The following SIPA1L1 variants were observed in gnomAD, a reference collection of about 807,000 sequenced individuals.
The protein encoded by SIPA1L1 is signal induced proliferation associated 1 like 1, also known as signal-induced proliferation-associated 1-like protein 1.
SIPA1L1 carries 26 observed loss-of-function variants against 162.7 expected under a neutral mutation model. The observed-to-expected ratio is 0.16, with a 90% CI of 0.12 to 0.22. The LOEUF is 0.22. Ranked by LOEUF, SIPA1L1 falls within the 10% of genes least tolerant of loss-of-function variation. The probability of loss-of-function intolerance (pLI) is 1.00; values close to 1 mark genes in which losing one functional copy is unlikely to be tolerated. For synonymous variants in SIPA1L1, 829 were observed against 837.4 expected (o/e 0.99, Z 0.17); for missense variants, 1,874 against 2,241.0 (o/e 0.84, Z 3.31).
chr14:71,659,426 A>G (rs2149221413), intron 9 of SIPA1L1, among the ~76,000 whole-genome samples: 1 of 152,354 alleles, frequency 6.6e-6, no homozygotes, highest in South Asian at 2.1e-4. Context: ...TGTAATAAAA[A>G]ATAGAGAGCA....
intron 2 of SIPA1L1, among the ~76,000 whole-genome samples, chr14:71,433,550 C>CA (rs2044159587): frequency 6.6e-6 from 1 of 152,156 alleles, no homozygotes; most frequent in Non-Finnish European, 1.5e-5. Flanking sequence ...CTCTTGAGCT[C>CA]AAGGGATCCT....
At chr14:71,502,715 A>G (rs1455637459) in intron 2 of SIPA1L1, among the ~76,000 whole-genome samples, 5 of 152,136 alleles carry the variant, frequency 3.3e-5, no homozygotes, top group Non-Finnish European at 7.4e-5. Context: ...TTTCACCTAC[A>G]TTAGTGCAAA....
chr14:71,342,095 C>T (rs1306243403), intron 2 of SIPA1L1, among the ~76,000 whole-genome samples: 2 of 152,076 alleles, frequency 1.3e-5, no homozygotes, highest in East Asian at 3.9e-4. Context: ...CCTCTGCCTC[C>T]TGGGTTAAAG....
intron 2 of SIPA1L1, among the ~76,000 whole-genome samples, chr14:71,462,952 C>T (rs776240714): frequency 6.6e-6 from 1 of 152,222 alleles, no homozygotes; most frequent in East Asian, 1.9e-4. Flanking sequence ...TCTATGGCTG[C>T]ATACCAGGTA....
At chr14:71,613,490 C>T (rs749479449) in intron 5 of SIPA1L1, among the ~76,000 whole-genome samples, 1 of 151,884 alleles carries the variant, frequency 6.6e-6, no homozygotes, top group Non-Finnish European at 1.5e-5. Flanking sequence ...TATGCTGGCT[C>T]TAAAATATTC....
chr14:71,630,326 G>C (rs1214916127), intron 7 of SIPA1L1, among the ~76,000 whole-genome samples: 2 of 152,200 alleles, frequency 1.3e-5, no homozygotes, highest in Non-Finnish European at 2.9e-5. Context: ...GCCTATCGCT[G>C]TTCTTTTGCC....
At position 71,491,761 on chromosome 14, in the gene SIPA1L1, A is replaced by ACAC. The variant is rs2049277691; in HGVS notation, c.-464-20982_-464-20981insCAC. ...GTTTCAGGCTTAATGTTTTATTTCA[A>ACAC]ACACACACACACACACACACACACA... On this transcript the variant is annotated intron_variant, in intron 2 of 23. Coordinates refer to ENST00000381232, the MANE Select transcript of SIPA1L1 (RefSeq NM_001386936.1). 2.1e-4 allele frequency among the ~76,000 whole-genome samples: 21 copies of ACAC among 97,956 alleles called. No individual in the cohort carries two copies. The South Asian group carries it at 5.4e-3, about 25-fold the overall frequency. The allele number at this position is 97,956 out of a possible 152,430, so 64.3% of individuals were successfully genotyped here.
chr14:71,491,976 G>T (rs1373662961), intron 2 of SIPA1L1, among the ~76,000 whole-genome samples: 1 of 152,098 alleles, frequency 6.6e-6, no homozygotes, highest in Admixed American at 6.6e-5. Flanking sequence ...GCTAATCCAA[G>T]TCTGTCAGCA....
At chr14:71,492,348 A>G (rs1290710248) in intron 2 of SIPA1L1, among the ~76,000 whole-genome samples, 1 of 152,128 alleles carries the variant, frequency 6.6e-6, no homozygotes, top group Non-Finnish European at 1.5e-5. Context: ...CAACAGCATA[A>G]AGGGTCAGCT....
chr14:71,593,423 G>C (rs1234285312), intron 5 of SIPA1L1, among the ~76,000 whole-genome samples: 3 of 152,012 alleles, frequency 2.0e-5, no homozygotes. Flanking sequence ...CGTTGGCAAG[G>C]CTGGTCTCAA....
intron 2 of SIPA1L1, among the ~76,000 whole-genome samples, chr14:71,337,605 G>A (rs1422061280): frequency 6.6e-6 from 1 of 152,182 alleles, no homozygotes; most frequent in Non-Finnish European, 1.5e-5. Flanking sequence ...GAAAAGACCA[G>A]CATCCATGAT....
chr14:71,397,240 T>C (rs962643379), intron 2 of SIPA1L1, among the ~76,000 whole-genome samples: 5 of 152,158 alleles, frequency 3.3e-5, no homozygotes, highest in Admixed American at 1.3e-4. Context: ...TTGACTTTGG[T>C]CCCATTTTTC....
chr14:71,709,430 C>T lies in SIPA1L1; in HGVS notation c.3974C>T (p.Ala1325Val). 1 of 1,614,208 alleles carries T rather than the reference C, an allele frequency of 6.2e-7. No homozygotes were observed. Among genetic ancestry groups the T allele is most frequent in the Non-Finnish European group, 8.5e-7 (1 of 1,180,032 alleles). The change falls in exon 17 of 24, where the codon GCC becomes GTC. Residue 1325 changes from alanine (A) to valine (V), a missense_variant. Physicochemically the swap from Ala to Val is moderately conservative, Grantham distance 64 (BLOSUM62 0). Transcript: ENST00000381232. The part of the protein sequence containing the change: ...SHGSTASLGA[A>V]TSSPRSGPGK... ...GGCAGCACAGCCTCGCTGGGGGCTG[C>T]CACATCGTCACCTCGCTCAGGGCCA...
At position 71,585,718 on chromosome 14, in the gene SIPA1L1, T is replaced by C. The variant is rs141099802; in HGVS notation, c.-302-1853T>C. On this transcript the variant is annotated intron_variant, in intron 4 of 23. Transcript: ENST00000381232. ...GAAAGATGATTTATTTGGATTTCTG[T>C]GAGGTTGTGAGAAATGTTGAAAGCA... 3.9e-4 allele frequency among the ~76,000 whole-genome samples: 59 copies of C among 152,342 alleles called. No individual in the cohort carries two copies. The East Asian group carries it at 5.0e-3, about 13-fold the overall frequency.
rs79110736 is a variant in SIPA1L1 at position 71,367,928 on chromosome 14, T to A, written c.-465+46747T>A. 4.0e-5 allele frequency among the ~76,000 whole-genome samples: 6 copies of A among 149,106 alleles called. No individual in the cohort carries two copies. In the East Asian group the frequency reaches 9.7e-4, roughly 24 times the overall value. ...GCCTTCCTTTTTTTTTTTTTTTTTT[T>A]AATTAAAACATTAGTTAATTCTTAT... On this transcript the variant is annotated intron_variant, in intron 2 of 23. Coordinates refer to ENST00000381232, the MANE Select transcript of SIPA1L1 (RefSeq NM_001386936.1).
intron 2 of SIPA1L1, among the ~76,000 whole-genome samples, chr14:71,388,017 C>G (rs2141295113): frequency 6.6e-6 from 1 of 152,358 alleles, no homozygotes. Flanking sequence ...CTCTGCAGAG[C>G]AAGGTGTGTT....
At chr14:71,577,974 G>A (rs1292463742) in intron 4 of SIPA1L1, among the ~76,000 whole-genome samples, 3 of 151,914 alleles carry the variant, frequency 2.0e-5, no homozygotes, top group Admixed American at 6.6e-5. Context: ...GCAGTGGTGC[G>A]ATCTCGCCTC....
intron 4 of SIPA1L1, among the ~76,000 whole-genome samples, chr14:71,546,964 A>G (rs1386744492): frequency 6.6e-6 from 1 of 151,980 alleles, no homozygotes; most frequent in Non-Finnish European, 1.5e-5. Context: ...TTTCCTTCAC[A>G]TGTGATTATA....
intron 2 of SIPA1L1, among the ~76,000 whole-genome samples, chr14:71,407,178 A>G (rs894896559): frequency 6.6e-6 from 1 of 152,176 alleles, no homozygotes; most frequent in Non-Finnish European, 1.5e-5. Context: ...GGGAGGTGGA[A>G]GAAAGTAACT....
Sources: gnomAD v4.1 joint callset for allele counts (sites outside exome capture counted in the v4.1 genomes callset) on GRCh38, gnomAD v4.1.1 for gene constraint, MANE v1.5 for transcripts, NCBI Gene and HGNC (gene_info 2026-07-23, HGNC 2026-07-21) for gene names.